The following ADGRL2 variants were observed in gnomAD, a reference collection of about 807,000 sequenced individuals.
The protein encoded by ADGRL2 is adhesion G protein-coupled receptor L2, also known as calcium-independent alpha-latrotoxin receptor 2.
ADGRL2 carries 44 observed loss-of-function variants against 157.4 expected under a neutral mutation model. That is an observed-to-expected ratio of 0.28 (90% CI 0.22 to 0.36). ADGRL2 has a LOEUF of 0.36. Ranked by LOEUF, ADGRL2 falls within the 10% of genes least tolerant of loss-of-function variation. ADGRL2 has a pLI of 1.00. For missense variants in ADGRL2, 1,510 were observed against 1,768.9 expected, an observed-to-expected ratio of 0.85 and a Z score of 2.63; for synonymous variants, 585 against 624.7, an observed-to-expected ratio of 0.94 and a Z score of 0.95.
At position 81,463,430 on chromosome 1, in the gene ADGRL2, T is replaced by C. The variant is rs12037230; in HGVS notation, c.-248+18341T>C. Among the ~76,000 whole-genome samples, 1,318 of 152,310 alleles carry C rather than the reference T, an allele frequency of 8.7e-3. 24 individuals carry two copies. Among genetic ancestry groups the C allele is most frequent in the East Asian group, 0.046 (236 of 5,174 alleles). ...TAAATCCTCCTTGCTAAAATTATTT[T>C]CTTCAAAATACTTCTGGTATTTGTT... On this transcript the variant is annotated intron_variant, in intron 2 of 24. Transcript: ENST00000370721.
chr1:81,468,842 A>AGC (rs1177954868), intron 2 of ADGRL2, among the ~76,000 whole-genome samples: 5 of 152,160 alleles, frequency 3.3e-5, no homozygotes, highest in Non-Finnish European at 7.3e-5. Flanking sequence ...CAGTATGTTA[A>AGC]TATACTGAGA....
intron 6 of ADGRL2, among the ~76,000 whole-genome samples, chr1:81,947,065 T>A (rs1470549783): frequency 6.6e-6 from 1 of 152,154 alleles, no homozygotes; most frequent in African/African-American, 2.4e-5. Context: ...ATTTCTTAGG[T>A]ATTTTGTTTC....
At chr1:81,579,714 G>T (rs966404615) in intron 2 of ADGRL2, among the ~76,000 whole-genome samples, 10 of 151,874 alleles carry the variant, frequency 6.6e-5, no homozygotes, top group Non-Finnish European at 1.5e-4. Context: ...TACAGTGCTT[G>T]CCAAAATTAT....
At chr1:81,800,505 G>A (rs908322374), upstream of ADGRL2, 1 of 151,934 alleles carries the variant, frequency 6.6e-6, no homozygotes, top group African/African-American at 2.4e-5. Context: ...AGAAAACCTG[G>A]AGACGGGGTG....
At chr1:81,783,956 G>A (rs1307683563) in intron 2 of ADGRL2, among the ~76,000 whole-genome samples, 2 of 152,058 alleles carry the variant, frequency 1.3e-5, no homozygotes, top group African/African-American at 4.8e-5. Context: ...ATAAGACACA[G>A]GTAATGATCA....
At chr1:81,577,600 C>A (rs746827737) in intron 2 of ADGRL2, among the ~76,000 whole-genome samples, 1 of 152,154 alleles carries the variant, frequency 6.6e-6, no homozygotes, top group Non-Finnish European at 1.5e-5. Flanking sequence ...AACCAGCAGT[C>A]AGACAGGACA....
chr1:81,423,546 T>C (rs1273412108), intron 1 of ADGRL2, among the ~76,000 whole-genome samples: 1 of 152,242 alleles, frequency 6.6e-6, no homozygotes, highest in Non-Finnish European at 1.5e-5. Flanking sequence ...GGGGACTCTA[T>C]AACTCAGATT....
At chr1:81,410,175 G>A (rs913403006) in intron 1 of ADGRL2, among the ~76,000 whole-genome samples, 4 of 152,020 alleles carry the variant, frequency 2.6e-5, no homozygotes, top group African/African-American at 9.7e-5. Context: ...TCTTACATTG[G>A]GATTTATTAT....
chr1:81,442,830 G>T (rs557075191), intron 1 of ADGRL2, among the ~76,000 whole-genome samples: 80 of 152,280 alleles, frequency 5.3e-4, no homozygotes, highest in Non-Finnish European at 1.1e-3. Flanking sequence ...TTAAGGCCAG[G>T]TTTCACAGCC....
intron 11 of ADGRL2, among the ~76,000 whole-genome samples, chr1:81,956,620 A>G (rs1057240465): frequency 3.9e-5 from 6 of 152,178 alleles, no homozygotes; most frequent in African/African-American, 1.4e-4. Context: ...TTCAAATGCT[A>G]CCACTGAGAG....
intron 3 of ADGRL2, among the ~76,000 whole-genome samples, chr1:81,617,930 G>A (rs949351852): frequency 6.6e-6 from 1 of 152,148 alleles, no homozygotes; most frequent in African/African-American, 2.4e-5. Flanking sequence ...TTGAAATGTG[G>A]AAGGAGCAAC....
intron 2 of ADGRL2, among the ~76,000 whole-genome samples, chr1:81,853,759 A>AT (rs2093103091): frequency 6.6e-6 from 1 of 152,036 alleles, no homozygotes; most frequent in Admixed American, 6.6e-5. Context: ...TAAGGTTTTT[A>AT]TTTTTCTGTC....
chr1:81,934,485 TTA>T (rs962336148), intron 3 of ADGRL2, among the ~76,000 whole-genome samples: 1 of 150,812 alleles, frequency 6.6e-6, no homozygotes, highest in African/African-American at 2.4e-5. Context: ...TTTTGAAAAA[TTA>T]TATATATATA....
chr1:81,703,806 C>G (rs1266330247), intron 1 of ADGRL2, among the ~76,000 whole-genome samples: 6 of 152,146 alleles, frequency 3.9e-5, no homozygotes, highest in Non-Finnish European at 8.8e-5. Context: ...CTAACAGTCT[C>G]TAAGTTTACA....
chr1:81,520,990 G>A (rs1396142194), intron 2 of ADGRL2, among the ~76,000 whole-genome samples: 2 of 152,176 alleles, frequency 1.3e-5, no homozygotes, highest in African/African-American at 4.8e-5. Context: ...AGAAGAACAT[G>A]TGCCCTAACT....
chr1:81,436,286 A>G (rs1208198848), intron 1 of ADGRL2, among the ~76,000 whole-genome samples: 1 of 152,150 alleles, frequency 6.6e-6, no homozygotes, highest in East Asian at 1.9e-4. Flanking sequence ...ATCACGGTAG[A>G]GCATGGTAAA....
intron 1 of ADGRL2, among the ~76,000 whole-genome samples, chr1:81,740,613 G>A (rs1388945402): frequency 1.3e-5 from 2 of 152,064 alleles, no homozygotes; most frequent in Non-Finnish European, 1.5e-5. Flanking sequence ...GACATACACG[G>A]GTACATGTCT....
intron 2 of ADGRL2, among the ~76,000 whole-genome samples, chr1:81,577,987 C>T (rs2080829658): frequency 6.6e-6 from 1 of 152,150 alleles, no homozygotes; most frequent in Admixed American, 6.6e-5. Flanking sequence ...TCTCTTCAAA[C>T]CATATTGAAC....
At chr1:81,930,937 G>GGTTT (rs2095217077) in intron 3 of ADGRL2, among the ~76,000 whole-genome samples, 1 of 152,036 alleles carries the variant, frequency 6.6e-6, no homozygotes, top group Non-Finnish European at 1.5e-5. Context: ...TTTGAAACCA[G>GGTTT]CCTGCCCAAC....
Sources: allele counts gnomAD v4.1 joint callset (sites outside exome capture counted in the v4.1 genomes callset), GRCh38; gene constraint gnomAD v4.1.1; transcripts MANE v1.5; gene names NCBI Gene and HGNC (gene_info 2026-07-23, HGNC 2026-07-21).